Variants in IL34 observed in about 807,000 individuals in gnomAD.
IL34 encodes interleukin 34, also known as interleukin-34.
A neutral mutation model predicts 25.3 loss-of-function variants in IL34; 17 were observed. That is an observed-to-expected ratio of 0.67 (90% CI 0.46 to 1.01). IL34 has a LOEUF of 1.01. IL34 is among the 50% of genes least tolerant of loss of function. The pLI is 0.00. For missense variants in IL34, 368 were observed against 312.9 expected, an observed-to-expected ratio of 1.18 and a Z score of -1.33; for synonymous variants, 174 against 140.9, an observed-to-expected ratio of 1.23 and a Z score of -1.66.
At chr16:70,621,700 C>G (rs974648188) in intron 1 of IL34, among the ~76,000 whole-genome samples, 2 of 151,876 alleles carry the variant, frequency 1.3e-5, no homozygotes, top group Admixed American at 6.6e-5. Context: ...AGGCTGAGTC[C>G]GAAAAGAGAG....
rs1227244245 is a variant in IL34, at chr16:70,634,288, A to G, written c.-400-12260A>G. On this transcript the variant is annotated intron_variant, in intron 1 of 6. Transcript: ENST00000429149. ...CATATTCTGAGATTCCAGGTAAGAT[A>G]TGAACTGGGGGCAGGCAGCACTGTT... Among the ~76,000 whole-genome samples, 3 of 149,770 alleles carry G rather than the reference A, an allele frequency of 2.0e-5. No homozygotes were observed. In the East Asian group the frequency reaches 6.0e-4, roughly 30 times the overall value.
chr16:70,631,805 A>G (rs1281282717), intron 1 of IL34, among the ~76,000 whole-genome samples: 6 of 152,132 alleles, frequency 3.9e-5, no homozygotes, highest in African/African-American at 1.4e-4. Flanking sequence ...TGTTGTGTGT[A>G]ACCTCAGACA....
At chr16:70,603,852 G>A (rs1321418032) in intron 1 of IL34, among the ~76,000 whole-genome samples, 2 of 152,136 alleles carry the variant, frequency 1.3e-5, no homozygotes. Context: ...AAAGGGCTGT[G>A]ATTGCAGGTG....
chr16:70,616,859 G>A (rs2051180481), intron 1 of IL34, among the ~76,000 whole-genome samples: 1 of 152,196 alleles, frequency 6.6e-6, no homozygotes, highest in Non-Finnish European at 1.5e-5. Context: ...CCATCTGGAT[G>A]TATACGTGCA....
At chr16:70,592,456 A>G (rs1033839668) in intron 1 of IL34, among the ~76,000 whole-genome samples, 8 of 151,922 alleles carry the variant, frequency 5.3e-5, no homozygotes, top group African/African-American at 4.8e-5. Context: ...CCTTAACCCA[A>G]CCCTGGAAGG....
chr16:70,655,757 G>A (rs868587628), intron 2 of IL34, among the ~76,000 whole-genome samples: 1 of 151,966 alleles, frequency 6.6e-6, no homozygotes, highest in Non-Finnish European at 1.5e-5. Context: ...TGTCCAGGCT[G>A]AAGTGTAGTG....
At chr16:70,644,016 C>T (rs1450642456), upstream of IL34, among the ~76,000 whole-genome samples, 2 of 152,108 alleles carry the variant, frequency 1.3e-5, no homozygotes, top group African/African-American at 2.4e-5. Flanking sequence ...GCTCTGTTGC[C>T]CCGACTGGAG....
intron 1 of IL34, among the ~76,000 whole-genome samples, chr16:70,648,356 AACC>A (rs1281845176): frequency 3.3e-5 from 5 of 151,852 alleles, no homozygotes; most frequent in Non-Finnish European, 7.4e-5. Flanking sequence ...AGGAGTTTGA[AACC>A]AGGCTGGGCA....
At chr16:70,615,506 AAAAT>A (rs563697592) in intron 1 of IL34, among the ~76,000 whole-genome samples, 40 of 152,132 alleles carry the variant, frequency 2.6e-4, no homozygotes, top group African/African-American at 7.2e-4. Context: ...ACTCCGTCTC[AAAAT>A]AAATAAATAA....
At chr16:70,605,526 A>C (rs542246853) in intron 1 of IL34, among the ~76,000 whole-genome samples, 2 of 152,282 alleles carry the variant, frequency 1.3e-5, no homozygotes, top group South Asian at 4.1e-4. Context: ...CCTTCTCCCC[A>C]GCCCTGGTAA....
intron 4 of IL34, among the ~76,000 whole-genome samples, chr16:70,659,178 G>C (rs2052312975): frequency 6.6e-6 from 1 of 152,134 alleles, no homozygotes; most frequent in African/African-American, 2.4e-5. Context: ...GCTTGAAGCT[G>C]GACACCCTGC....
upstream of IL34, among the ~76,000 whole-genome samples, chr16:70,642,951 CAG>C (rs1321511653): frequency 6.6e-6 from 1 of 152,038 alleles, no homozygotes; most frequent in Admixed American, 6.5e-5. Context: ...CTAATGAGTT[CAG>C]AGTTTATTTT....
At chr16:70,630,290 T>G (rs2051489779) in intron 1 of IL34, among the ~76,000 whole-genome samples, 1 of 152,196 alleles carries the variant, frequency 6.6e-6, no homozygotes, top group South Asian at 2.1e-4. Flanking sequence ...CAGGCTGGAA[T>G]GCACTGACGT....
chr16:70,615,899 G>A (rs2051165357), intron 1 of IL34, among the ~76,000 whole-genome samples: 1 of 152,304 alleles, frequency 6.6e-6, no homozygotes, highest in Admixed American at 6.5e-5. Context: ...GTTGTGGCAA[G>A]CTGAGATGGC....
intron 1 of IL34, among the ~76,000 whole-genome samples, chr16:70,631,049 AT>A (rs1312989285): frequency 6.6e-6 from 1 of 152,194 alleles, no homozygotes; most frequent in Non-Finnish European, 1.5e-5. Context: ...CCTAAACTAC[AT>A]TTTCAATTTG....
chr16:70,639,545 C>G (rs1375271743), intron 1 of IL34, among the ~76,000 whole-genome samples: 1 of 152,208 alleles, frequency 6.6e-6, no homozygotes, highest in Admixed American at 6.5e-5. Flanking sequence ...CTGCCAACAT[C>G]AGCAAAGAGT....
intron 1 of IL34, among the ~76,000 whole-genome samples, chr16:70,614,012 G>A (rs12930129): frequency 0.52 from 79,270 of 151,274 alleles, 21,005 homozygotes; most frequent in South Asian, 0.68. Context: ...ATACAACAAG[G>A]CTTTGTCTCT....
At chr16:70,583,315 G>A (rs1013946135) in intron 1 of IL34, among the ~76,000 whole-genome samples, 1 of 151,984 alleles carries the variant, frequency 6.6e-6, no homozygotes, top group African/African-American at 2.4e-5. Flanking sequence ...GCTTCTCCAT[G>A]TTGCCCAGGC....
intron 1 of IL34, among the ~76,000 whole-genome samples, chr16:70,652,188 G>A (rs2052098288): frequency 6.6e-6 from 1 of 152,080 alleles, no homozygotes; most frequent in African/African-American, 2.4e-5. Flanking sequence ...AGGTGTGGTG[G>A]CTCATGCCTG....
Sources: allele counts gnomAD v4.1 joint callset (sites outside exome capture counted in the v4.1 genomes callset), GRCh38; gene constraint gnomAD v4.1.1; transcripts MANE v1.5; gene names NCBI Gene and HGNC (gene_info 2026-07-23, HGNC 2026-07-21).